The following PTPRR variants were observed in gnomAD, a reference collection of about 807,000 sequenced individuals.
PTPRR encodes the protein receptor-type tyrosine-protein phosphatase R.
Under a neutral mutation model 77.2 loss-of-function variants are expected in PTPRR, and 38 were observed. The observed-to-expected ratio is 0.49, with a 90% CI of 0.38 to 0.65. The LOEUF (loss-of-function observed/expected upper bound fraction) is 0.65, where lower values mean the gene tolerates loss of function less well. Ranked by LOEUF, PTPRR falls within the 30% of genes least tolerant of loss-of-function variation. The pLI is 0.00. For synonymous variants in PTPRR, 299 were observed against 283.1 expected (o/e 1.06, Z -0.57); for missense variants, 744 against 799.2 (o/e 0.93, Z 0.83).
At chr12:70,760,638 A>T (rs1890670145) in intron 4 of PTPRR, among the ~76,000 whole-genome samples, 1 of 152,020 alleles carries the variant, frequency 6.6e-6, no homozygotes, top group African/African-American at 2.4e-5. Flanking sequence ...TATAAGAGAG[A>T]AAAAAAAGAC....
At chr12:70,829,715 A>G (rs1413675567) in intron 2 of PTPRR, among the ~76,000 whole-genome samples, 1 of 152,168 alleles carries the variant, frequency 6.6e-6, no homozygotes, top group Admixed American at 6.5e-5. Context: ...CCTCCCACTC[A>G]CAGACTAACC....
intron 2 of PTPRR, among the ~76,000 whole-genome samples, chr12:70,873,693 A>G (rs1212888718): frequency 1.3e-5 from 2 of 151,526 alleles, no homozygotes; most frequent in Non-Finnish European, 2.9e-5. Flanking sequence ...CTTCTGTGTG[A>G]TATCTTTATT....
intron 2 of PTPRR, among the ~76,000 whole-genome samples, chr12:70,826,530 T>C (rs1247588876): frequency 6.6e-6 from 1 of 152,152 alleles, no homozygotes; most frequent in Non-Finnish European, 1.5e-5. Flanking sequence ...TCCAGCCCCA[T>C]GACAGGATGC....
chr12:70,752,587 AG>A lies in PTPRR; in HGVS notation c.738+1603del, dbSNP rs570520159. On this transcript the variant is annotated intron_variant, in intron 5 of 13. Transcript: ENST00000283228. ...CTCTGCTCTGTTTCTGCTGCCCTTTAGTACTCAAAGGCTGGGCATGACTCTG... is the reference window on the plus strand; with the variant it reads ...CTCTGCTCTGTTTCTGCTGCCCTTTATACTCAAAGGCTGGGCATGACTCTG... Among the ~76,000 whole-genome samples the A allele has an allele frequency of 1.2e-4, 18 of 152,280 alleles. 1 individual carries two copies. Among genetic ancestry groups the A allele is most frequent in the African/African-American group, 4.1e-4 (17 of 41,550 alleles).
At chr12:70,689,725 A>G (rs1172381102) in intron 8 of PTPRR, among the ~76,000 whole-genome samples, 3 of 152,144 alleles carry the variant, frequency 2.0e-5, no homozygotes, top group Non-Finnish European at 2.9e-5. Flanking sequence ...TTGGCTATAC[A>G]GCGCCCTAAA....
chr12:70,672,261 A>T, intron 10 of PTPRR: 1 of 1,593,250 alleles, frequency 6.3e-7, no homozygotes, highest in Non-Finnish European at 8.6e-7. Context: ...GGCATGAATT[A>T]TGTGGACCAC....
chr12:70,866,697 C>A (rs1478629319), intron 2 of PTPRR, among the ~76,000 whole-genome samples: 1 of 152,184 alleles, frequency 6.6e-6, no homozygotes, highest in Non-Finnish European at 1.5e-5. Context: ...CCAGCATCAT[C>A]CTGATACCAA....
chr12:70,687,486 C>A (rs1329541526), intron 8 of PTPRR, among the ~76,000 whole-genome samples: 1 of 151,922 alleles, frequency 6.6e-6, no homozygotes, highest in Non-Finnish European at 1.5e-5. Context: ...ATCTTATAGG[C>A]CACAGGTAAA....
intron 6 of PTPRR, among the ~76,000 whole-genome samples, chr12:70,731,930 T>C (rs1889676808): frequency 6.6e-6 from 1 of 152,196 alleles, no homozygotes; most frequent in African/African-American, 2.4e-5. Context: ...TTTAGGATGG[T>C]TTATTCCTAG....
chr12:70,708,871 A>G (rs2096832747), intron 6 of PTPRR, among the ~76,000 whole-genome samples: 1 of 151,718 alleles, frequency 6.6e-6, no homozygotes, highest in African/African-American at 2.4e-5. Flanking sequence ...GCACAATACA[A>G]TGAATAACCT....
rs566344958 is a variant in PTPRR, at chr12:70,886,036, G to A, written c.357+6643C>T. ...CTTGAGTCATCCTAATAGTGAATGT[G>A]TATGATCCCAAACAAGCAGATGCAC... is the stretch of plus-strand genomic sequence containing the variant. On this transcript the variant is annotated intron_variant, in intron 2 of 13. Transcript: ENST00000283228. 3.3e-5 allele frequency among the ~76,000 whole-genome samples: 5 copies of A among 152,294 alleles called. No individual in the cohort carries two copies. The South Asian group carries it at 8.3e-4, about 25-fold the overall frequency.
At chr12:70,747,696 G>C (rs761422228) in intron 5 of PTPRR, among the ~76,000 whole-genome samples, 1 of 152,112 alleles carries the variant, frequency 6.6e-6, no homozygotes, top group East Asian at 1.9e-4. Context: ...CTTCATGTCT[G>C]GTTACAGGTC....
chr12:70,689,980 A>G (rs1434969680), intron 8 of PTPRR, among the ~76,000 whole-genome samples: 2 of 152,200 alleles, frequency 1.3e-5, no homozygotes, highest in Non-Finnish European at 2.9e-5. Context: ...GTTTTCACTT[A>G]TAGCAGGTGA....
Position 70,761,557 on chromosome 12 carries a change from G to T in PTPRR, c.541C>A (p.Pro181Thr). 1 of 1,612,098 alleles carries T rather than the reference G, an allele frequency of 6.2e-7. No individual in the cohort carries two copies. The highest frequency in any genetic ancestry group is 2.2e-5 in the East Asian group (1 of 44,794). ...AGTGAACGAAGAACTTCCTCAGAGG[G>T]CAGAGCATCAGAAATTCCTGTTTTT... ...NRKTGISDALPSEEVLRSLNI... is the reference protein window; with the variant it reads ...NRKTGISDALTSEEVLRSLNI... The change falls in exon 4 of 14, where the codon CCC (proline) becomes ACC (threonine). Residue 181 changes from proline (P) to threonine (T), a missense_variant. Coordinates refer to ENST00000283228, the MANE Select transcript of PTPRR (RefSeq NM_002849.4).
chr12:70,795,493 A>G (rs1385773613), intron 2 of PTPRR, among the ~76,000 whole-genome samples: 1 of 152,224 alleles, frequency 6.6e-6, no homozygotes, highest in Admixed American at 6.5e-5. Context: ...ACTGTTTGTT[A>G]TTAACTCATA....
chr12:70,822,435 A>T (rs1189070204), intron 2 of PTPRR, among the ~76,000 whole-genome samples: 1 of 152,210 alleles, frequency 6.6e-6, no homozygotes, highest in Non-Finnish European at 1.5e-5. Context: ...TTTCTCTCAA[A>T]TAAAAAATAA....
intron 1 of PTPRR, among the ~76,000 whole-genome samples, chr12:70,902,140 G>A (rs1011427572): frequency 6.6e-6 from 1 of 151,788 alleles, no homozygotes; most frequent in African/African-American, 2.4e-5. Flanking sequence ...TGCAAGAATG[G>A]CCATAATCAA....
intron 6 of PTPRR, among the ~76,000 whole-genome samples, chr12:70,722,049 G>A (rs542457691): frequency 5.3e-5 from 8 of 152,136 alleles, no homozygotes; most frequent in Non-Finnish European, 1.2e-4. Flanking sequence ...GATGAAAAAT[G>A]GCTAAAGGCT....
chr12:70,819,988 TAAAG>T (rs1891975995), intron 2 of PTPRR, among the ~76,000 whole-genome samples: 1 of 152,160 alleles, frequency 6.6e-6, no homozygotes. Context: ...CCAAAAAATT[TAAAG>T]AAAGAATAAA....
Sources: gnomAD v4.1 joint callset for allele counts (sites outside exome capture counted in the v4.1 genomes callset) on GRCh38, gnomAD v4.1.1 for gene constraint, MANE v1.5 for transcripts, NCBI Gene and HGNC (gene_info 2026-07-23, HGNC 2026-07-21) for gene names.